CDC40: variants seen among roughly 807,000 people sequenced by gnomAD.
The protein encoded by CDC40 is cell division cycle 40.
CDC40 carries 27 observed loss-of-function variants against 80.6 expected under a neutral mutation model. That is an observed-to-expected ratio of 0.33 (90% CI 0.25 to 0.46). The LOEUF (loss-of-function observed/expected upper bound fraction) is 0.46, where lower values mean the gene tolerates loss of function less well. Ranked by LOEUF, CDC40 falls within the 20% of genes least tolerant of loss-of-function variation. The pLI is 1.00. For synonymous variants in CDC40, 221 were observed against 232.6 expected, an observed-to-expected ratio of 0.95 and a Z score of 0.45; for missense variants, 486 against 694.1, an observed-to-expected ratio of 0.70 and a Z score of 3.37.
Position 110,215,303 on chromosome 6 carries a change from A to T in CDC40, c.960A>T (p.Gly320=). 1 of 1,613,470 alleles carries T rather than the reference A, an allele frequency of 6.2e-7. No individual in the cohort carries two copies. Among genetic ancestry groups the T allele is most frequent in the Non-Finnish European group, 8.5e-7 (1 of 1,179,410 alleles). Residue 320 remains glycine, a synonymous_variant, in exon 9 of 15, where the codon GGA becomes GGT. Transcript: ENST00000307731. ...TCCCCCAGCTATGGGAGGTTTATGG[A>T]GAACGGCGCTGTCTGAGAACATTTA... The part of the protein sequence containing the change: ...DCKIKLWEVY[G]ERRCLRTFIG...
chr6:110,219,254 C>A, intron 10 of CDC40, 110 bp from the exon 11 acceptor site: 1 of 511,796 alleles, frequency 2.0e-6, no homozygotes, highest in Non-Finnish European at 3.5e-6. Flanking sequence ...AGCAAGCAGG[C>A]AGCCCTTCCT....
intron 2 of CDC40, among the ~76,000 whole-genome samples, chr6:110,201,118 A>G (rs1777487764): frequency 6.6e-6 from 1 of 152,194 alleles, no homozygotes; most frequent in Non-Finnish European, 1.5e-5. Context: ...TTGAGGAACT[A>G]GTGGAAAAGA....
rs193162350 is a variant in CDC40, at chr6:110,180,685, G to T, written c.189+52G>T. ...GTGGGAATTGTTGGCTTCAGCTCCAGAACTGCCAGCCGCTTGTTAGGTACC... is the reference window on the plus strand; with the variant it reads ...GTGGGAATTGTTGGCTTCAGCTCCATAACTGCCAGCCGCTTGTTAGGTACC... On this transcript the variant is annotated intron_variant, in intron 1 of 14. Coordinates refer to ENST00000307731, the MANE Select transcript of CDC40 (RefSeq NM_015891.3). 3.2e-4 allele frequency: 432 copies of T among 1,345,584 alleles called. No homozygotes were observed. In the African/African-American group the frequency reaches 5.8e-3, roughly 18 times the overall value. 83.4% of individuals were successfully genotyped at this position (1,345,584 alleles called of 1,614,324 possible).
rs1006753789 is a variant in CDC40, at chr6:110,231,862, C to T, written c.*1731C>T. ...AAATTTCATAGAAAAAGAATAAAAG[C>T]GGAGATATATTTTTTGACACAGAGG... On this transcript the variant is annotated 3_prime_UTR_variant, in exon 15 of 15. Transcript: ENST00000307731. The T allele has an allele frequency of 7.6e-5, 11 of 145,432 alleles. No homozygotes were observed. Among genetic ancestry groups the T allele is most frequent in the African/African-American group, 2.6e-4 (10 of 38,658 alleles). 9.0% of individuals were successfully genotyped at this position (145,432 alleles called of 1,614,324 possible).
chr6:110,181,981 T>C (rs561145347), intron 1 of CDC40, among the ~76,000 whole-genome samples: 152 of 152,340 alleles, frequency 1.0e-3, no homozygotes, highest in African/African-American at 3.5e-3. Context: ...CTCTTAGTCC[T>C]CTTTGCATTC....
intron 1 of CDC40, among the ~76,000 whole-genome samples, chr6:110,184,802 T>C (rs1342681780): frequency 1.3e-5 from 2 of 152,326 alleles, no homozygotes; most frequent in East Asian, 3.9e-4. Context: ...TTCATCATGA[T>C]AGAAGGTTCA....
chr6:110,228,710 T>G (rs1185694670), intron 13 of CDC40, 122 bp from the exon 14 acceptor site: 11 of 666,562 alleles, frequency 1.7e-5, no homozygotes, highest in Admixed American at 3.7e-5. Context: ...AAATTTATTT[T>G]TTAGTATTAT....
intron 1 of CDC40, among the ~76,000 whole-genome samples, chr6:110,191,038 C>G (rs1777340307): frequency 6.6e-6 from 1 of 152,000 alleles, no homozygotes; most frequent in South Asian, 2.1e-4. Context: ...AAGATATGGG[C>G]AGTTTAGAGA....
At chr6:110,221,184 G>C (rs943284957) in intron 12 of CDC40, among the ~76,000 whole-genome samples, 3 of 152,152 alleles carry the variant, frequency 2.0e-5, no homozygotes, top group African/African-American at 7.2e-5. Flanking sequence ...TTGGATGGAA[G>C]CCGCCATGTT....
chr6:110,204,753 G>C lies in CDC40; in HGVS notation c.407-2753G>C, dbSNP rs551510969. On this transcript the variant is annotated intron_variant, in intron 3 of 14. Transcript: ENST00000307731. ...CTGCTCACTGCAACCTCTACCTCTG[G>C]GGTTCAGGCAATTCTCATGCCTCAG... is the stretch of plus-strand genomic sequence containing the variant. 8.7e-5 allele frequency among the ~76,000 whole-genome samples: 13 copies of C among 149,990 alleles called. No homozygotes were observed. The South Asian group carries it at 2.5e-3, about 29-fold the overall frequency.
intron 3 of CDC40, among the ~76,000 whole-genome samples, chr6:110,204,456 A>G (rs1242531094): frequency 2.0e-5 from 3 of 152,198 alleles, no homozygotes; most frequent in Non-Finnish European, 4.4e-5. Flanking sequence ...TACAAAGTGC[A>G]TTTTAAAACA....
chr6:110,228,341 T>C (rs1777891824), intron 13 of CDC40, among the ~76,000 whole-genome samples: 1 of 152,180 alleles, frequency 6.6e-6, no homozygotes, highest in African/African-American at 2.4e-5. Context: ...AGAAAAGCAT[T>C]GTAGCCTTTT....
At chr6:110,206,762 A>G (rs1174957912) in intron 3 of CDC40, among the ~76,000 whole-genome samples, 1 of 152,230 alleles carries the variant, frequency 6.6e-6, no homozygotes, top group Non-Finnish European at 1.5e-5. Flanking sequence ...TAATTTACAT[A>G]ATTTGATAAA....
At position 110,201,707 on chromosome 6, in the gene CDC40, G is replaced by A; in HGVS notation, c.406+20G>A. ...CATATGGTAAGGTGATAAGACTTAA[G>A]CAGTTTCAATTTTGGCTTTATTAGA... On this transcript the variant is annotated intron_variant, in intron 3 of 14. Transcript: ENST00000307731. 1.2e-6 allele frequency: 2 copies of A among 1,608,290 alleles called. No homozygotes were observed. Among genetic ancestry groups the A allele is most frequent in the South Asian group, 2.2e-5 (2 of 90,492 alleles).
At chr6:110,196,349 CT>C (rs1777419124) in intron 2 of CDC40, among the ~76,000 whole-genome samples, 1 of 152,150 alleles carries the variant, frequency 6.6e-6, no homozygotes, top group South Asian at 2.1e-4. Flanking sequence ...TGACCAAGGA[CT>C]TTTCCCAAAT....
chr6:110,221,281 C>G lies in CDC40; in HGVS notation c.1340+1412C>G, dbSNP rs1014073938. On this transcript the variant is annotated intron_variant, in intron 12 of 14. Transcript: ENST00000307731. ...TGTCTTTCCATCCCCAGAAGCTTTT[C>G]TGCTTTAACAAGTGGAAAGCCTTGA... Among the ~76,000 whole-genome samples, 3 of 152,328 alleles carry G rather than the reference C, an allele frequency of 2.0e-5. No homozygotes were observed. The South Asian group carries it at 6.2e-4, about 32-fold the overall frequency.
intron 13 of CDC40, among the ~76,000 whole-genome samples, chr6:110,228,432 T>G (rs1777893433): frequency 6.6e-6 from 1 of 152,136 alleles, no homozygotes; most frequent in South Asian, 2.1e-4. Context: ...CCCTTAATCT[T>G]TCTTTATTCT....
chr6:110,184,210 C>T (rs534712456), intron 1 of CDC40, among the ~76,000 whole-genome samples: 1 of 152,090 alleles, frequency 6.6e-6, no homozygotes, highest in Non-Finnish European at 1.5e-5. Flanking sequence ...TAGGGCAGTT[C>T]CCTTGCCCTT....
chr6:110,225,513 A>G (rs757351574), intron 12 of CDC40, among the ~76,000 whole-genome samples: 1 of 151,512 alleles, frequency 6.6e-6, no homozygotes, highest in African/African-American at 2.4e-5. Context: ...TTTACATGTA[A>G]ACTGAAGATA....
Sources: gnomAD v4.1 joint callset for allele counts (sites outside exome capture counted in the v4.1 genomes callset) on GRCh38, gnomAD v4.1.1 for gene constraint, MANE v1.5 for transcripts, NCBI Gene and HGNC (gene_info 2026-07-23, HGNC 2026-07-21) for gene names.